The following GPC5 variants were observed in gnomAD, a reference collection of about 807,000 sequenced individuals.
GPC5 encodes glypican 5, also known as glypican-5.
Under a neutral mutation model 53.9 loss-of-function variants are expected in GPC5, and 47 were observed. That is an observed-to-expected ratio of 0.87 (90% CI 0.69 to 1.11). The LOEUF is 1.11. GPC5 is among the 50% of genes most tolerant of loss of function. The probability of loss-of-function intolerance (pLI) is 0.00; values close to 1 mark genes in which losing one functional copy is unlikely to be tolerated. For missense variants in GPC5, 748 were observed against 713.1 expected, an observed-to-expected ratio of 1.05 and a Z score of -0.56; for synonymous variants, 286 against 263.3, an observed-to-expected ratio of 1.09 and a Z score of -0.84.
chr13:91,981,493 G>T (rs1237523395), intron 6 of GPC5, among the ~76,000 whole-genome samples: 3 of 152,188 alleles, frequency 2.0e-5, no homozygotes, highest in South Asian at 2.1e-4. Context: ...GTTTCACCGT[G>T]TTAGCCAGGA....
At chr13:91,459,074 G>A (rs1203271662) in intron 2 of GPC5, among the ~76,000 whole-genome samples, 1 of 151,914 alleles carries the variant, frequency 6.6e-6, no homozygotes, top group Non-Finnish European at 1.5e-5. Context: ...GGTGGGAGGG[G>A]GGTGAGGGAT....
intron 7 of GPC5, among the ~76,000 whole-genome samples, chr13:92,476,347 C>G (rs1267063194): frequency 6.6e-6 from 1 of 151,678 alleles, no homozygotes; most frequent in Admixed American, 6.6e-5. Flanking sequence ...CAATGAGATA[C>G]CATCTCACAC....
intron 2 of GPC5, among the ~76,000 whole-genome samples, chr13:91,655,913 A>C (rs2034834871): frequency 1.3e-5 from 2 of 152,280 alleles, no homozygotes; most frequent in Non-Finnish European, 1.5e-5. Flanking sequence ...GGAGTCTGTT[A>C]ACTGAACAGC....
At chr13:92,187,802 G>A (rs572948416) in intron 7 of GPC5, among the ~76,000 whole-genome samples, 1 of 152,272 alleles carries the variant, frequency 6.6e-6, no homozygotes, top group South Asian at 2.1e-4. Flanking sequence ...GCTTCATTTA[G>A]AATCTATTAA....
chr13:92,592,593 G>T (rs1263131586), intron 7 of GPC5, among the ~76,000 whole-genome samples: 1 of 151,326 alleles, frequency 6.6e-6, no homozygotes, highest in Non-Finnish European at 1.5e-5. Context: ...TTGATTATCT[G>T]GAGATGATAA....
intron 2 of GPC5, among the ~76,000 whole-genome samples, chr13:91,658,521 A>G (rs1028422594): frequency 3.9e-5 from 6 of 152,178 alleles, no homozygotes; most frequent in Admixed American, 3.3e-4. Flanking sequence ...AGGCACCCAA[A>G]TTGACCTTTC....
intron 7 of GPC5, among the ~76,000 whole-genome samples, chr13:92,691,495 C>G (rs1887395220): frequency 6.6e-6 from 1 of 150,686 alleles, no homozygotes; most frequent in Non-Finnish European, 1.5e-5. Flanking sequence ...AACCCGGTAC[C>G]TCAGATGGAA....
intron 5 of GPC5, among the ~76,000 whole-genome samples, chr13:91,897,706 A>G (rs1412551992): frequency 6.6e-6 from 1 of 152,234 alleles, no homozygotes; most frequent in Non-Finnish European, 1.5e-5. Context: ...AAAAAATTCC[A>G]TTAAATGTAG....
chr13:92,664,561 A>C (rs1041237253), intron 7 of GPC5, among the ~76,000 whole-genome samples: 2 of 152,142 alleles, frequency 1.3e-5, no homozygotes, highest in Non-Finnish European at 2.9e-5. Context: ...TAATCAGAAA[A>C]AGCCTGTTGA....
chr13:91,843,816 A>T (rs1566298963), intron 5 of GPC5, among the ~76,000 whole-genome samples: 1 of 152,224 alleles, frequency 6.6e-6, no homozygotes, highest in Non-Finnish European at 1.5e-5. Context: ...CAGCTGCCAA[A>T]GTAAAATGTA....
At chr13:92,349,736 G>C (rs897799983) in intron 7 of GPC5, among the ~76,000 whole-genome samples, 40 of 152,170 alleles carry the variant, frequency 2.6e-4, no homozygotes, top group African/African-American at 9.4e-4. Context: ...TAAGGAGATT[G>C]AATCAGTAAT....
At chr13:92,385,634 C>T (rs1874647282) in intron 7 of GPC5, among the ~76,000 whole-genome samples, 1 of 140,794 alleles carries the variant, frequency 7.1e-6, no homozygotes, top group African/African-American at 2.6e-5. Flanking sequence ...CACATATATA[C>T]ATATATACCT....
chr13:91,555,254 G>A (rs1242801771), intron 2 of GPC5, among the ~76,000 whole-genome samples: 10 of 151,912 alleles, frequency 6.6e-5, no homozygotes, highest in South Asian at 2.1e-4. Context: ...GACACTATAC[G>A]TATGCAAAAA....
chr13:92,369,780 A>G (rs72638669), intron 7 of GPC5, among the ~76,000 whole-genome samples: 20 of 152,184 alleles, frequency 1.3e-4, no homozygotes, highest in South Asian at 4.1e-4. Context: ...TGTATTACAT[A>G]TAGTAACTGG....
At chr13:92,742,199 C>CAACA (rs1889117321) in intron 7 of GPC5, among the ~76,000 whole-genome samples, 1 of 151,032 alleles carries the variant, frequency 6.6e-6, no homozygotes, top group Non-Finnish European at 1.5e-5. Flanking sequence ...ACAGTCCCAC[C>CAACA]AACAGTGTAA....
At chr13:92,694,132 A>C (rs2139238482) in intron 7 of GPC5, among the ~76,000 whole-genome samples, 1 of 152,340 alleles carries the variant, frequency 6.6e-6, no homozygotes, top group Admixed American at 6.5e-5. Flanking sequence ...AGGGAGCACA[A>C]TGCCTAGATT....
At chr13:91,562,188 T>TAAAAAAA (rs10603242) in intron 2 of GPC5, among the ~76,000 whole-genome samples, 106 of 45,044 alleles carry the variant, frequency 2.4e-3, no homozygotes, top group African/African-American at 5.2e-3. Context: ...GGAGCAACAG[T>TAAAAAAA]AAAAAAAAAA....
At chr13:91,758,713 A>T (rs1013887808) in intron 5 of GPC5, among the ~76,000 whole-genome samples, 7 of 152,140 alleles carry the variant, frequency 4.6e-5, no homozygotes, top group Non-Finnish European at 8.8e-5. Flanking sequence ...TGTGATTCTT[A>T]GTATTCCCAT....
At chr13:92,646,116 G>T (rs1163620798) in intron 7 of GPC5, among the ~76,000 whole-genome samples, 1 of 151,832 alleles carries the variant, frequency 6.6e-6, no homozygotes, top group Non-Finnish European at 1.5e-5. Flanking sequence ...TGTTCATAAA[G>T]ATTTTCTCAA....
Sources: allele counts gnomAD v4.1 joint callset (sites outside exome capture counted in the v4.1 genomes callset), GRCh38; gene constraint gnomAD v4.1.1; transcripts MANE v1.5; gene names NCBI Gene and HGNC (gene_info 2026-07-23, HGNC 2026-07-21).